NRXN3: variants seen among roughly 807,000 people sequenced by gnomAD.
NRXN3 encodes the protein neurexin III.
Under a neutral mutation model 137.6 loss-of-function variants are expected in NRXN3, and 32 were observed. The ratio of observed to expected loss-of-function variants is 0.23; its 90% CI spans 0.18 to 0.31. The LOEUF (loss-of-function observed/expected upper bound fraction) is 0.31, where lower values mean the gene tolerates loss of function less well. Ranked by LOEUF, NRXN3 falls within the 10% of genes least tolerant of loss-of-function variation. NRXN3 has a pLI of 1.00. For missense variants in NRXN3, 1,574 were observed against 2,062.5 expected (o/e 0.76, Z 4.59); for synonymous variants, 798 against 784.5 (o/e 1.02, Z -0.29).
Position 78,539,015 on chromosome 14 carries a change from A to C in NRXN3, c.758-106105A>C, listed in dbSNP as rs1016104191. 1.3e-4 allele frequency among the ~76,000 whole-genome samples: 20 copies of C among 152,190 alleles called. 1 individual carries two copies. The highest frequency in any genetic ancestry group is 4.6e-4 in the African/African-American group (19 of 41,536). On this transcript the variant is annotated intron_variant, in intron 4 of 20. Coordinates refer to ENST00000335750, the MANE Select transcript of NRXN3 (RefSeq NM_001330195.2). Reference sequence around the variant, plus strand: ...TTGATGTGCTGCTGGATTCAGTTCGAAAGTATTTTATTGAGGATTTTTGCA... The same window carrying C: ...TTGATGTGCTGCTGGATTCAGTTCGCAAGTATTTTATTGAGGATTTTTGCA...
intron 10 of NRXN3, among the ~76,000 whole-genome samples, chr14:78,843,491 G>T (rs1178463553): frequency 6.6e-6 from 1 of 152,072 alleles, no homozygotes; most frequent in East Asian, 1.9e-4. Flanking sequence ...TAATTACAGA[G>T]ACTCTTAGAG....
In NRXN3 at chr14:79,787,643, A is replaced by G. The variant is rs1488843554; in HGVS notation, c.4015-17469A>G. On this transcript the variant is annotated intron_variant, in intron 19 of 20. Transcript: ENST00000335750. ...GATTTCTACATACAGGTGAGATCATACGGGATTTGTCTCTCTGTGCCTGGC... is the reference window on the plus strand; with the variant it reads ...GATTTCTACATACAGGTGAGATCATGCGGGATTTGTCTCTCTGTGCCTGGC... 3.9e-5 allele frequency among the ~76,000 whole-genome samples: 6 copies of G among 152,172 alleles called. No homozygotes were observed. In the South Asian group the frequency reaches 8.3e-4, roughly 21 times the overall value.
chr14:79,015,308 C>T (rs2099577470), intron 15 of NRXN3, among the ~76,000 whole-genome samples: 1 of 152,290 alleles, frequency 6.6e-6, no homozygotes, highest in Admixed American at 6.5e-5. Flanking sequence ...AGGATTTCTT[C>T]TTACATCCAA....
intron 16 of NRXN3, among the ~76,000 whole-genome samples, chr14:79,619,132 AT>A (rs1473017287): frequency 6.6e-6 from 1 of 152,010 alleles, no homozygotes; most frequent in Non-Finnish European, 1.5e-5. Context: ...GTTTACAAAT[AT>A]TTTCTCCCAT....
chr14:79,585,455 G>A (rs1006309445), intron 16 of NRXN3, among the ~76,000 whole-genome samples: 9 of 151,984 alleles, frequency 5.9e-5, no homozygotes, highest in Non-Finnish European at 1.0e-4. Flanking sequence ...GGGAGGCCAG[G>A]GCAGGCAGAT....
intron 4 of NRXN3, among the ~76,000 whole-genome samples, chr14:78,630,597 C>CTTTTTTTTTTTTTTTTTTTTTTTT (rs370862037): frequency 7.8e-6 from 1 of 127,840 alleles, no homozygotes; most frequent in Non-Finnish European, 1.7e-5. Flanking sequence ...TTCTTTCTTT[C>CTTTTTTTTTTTTTTTTTTTTTTTT]TTTTTTTTTT....
chr14:79,581,363 T>C (rs2097714530), intron 16 of NRXN3, among the ~76,000 whole-genome samples: 1 of 152,210 alleles, frequency 6.6e-6, no homozygotes, highest in Non-Finnish European at 1.5e-5. Context: ...ATCCCCAGTA[T>C]TCAACAGCCT....
intron 4 of NRXN3, among the ~76,000 whole-genome samples, chr14:78,526,313 CTT>C (rs1461584956): frequency 6.6e-6 from 1 of 152,204 alleles, no homozygotes; most frequent in Non-Finnish European, 1.5e-5. Context: ...ATCTCTCTCT[CTT>C]GACTTTGAAG....
intron 4 of NRXN3, among the ~76,000 whole-genome samples, chr14:78,301,435 C>T (rs1219984790): frequency 6.6e-6 from 1 of 152,174 alleles, no homozygotes; most frequent in Non-Finnish European, 1.5e-5. Context: ...TTTCATCGCA[C>T]CACACCTTTG....
intron 15 of NRXN3, among the ~76,000 whole-genome samples, chr14:79,122,485 A>G (rs146744982): frequency 9.6e-4 from 147 of 152,332 alleles, no homozygotes; most frequent in Middle Eastern, 6.8e-3. Context: ...TCTCATTTCC[A>G]GATACTACAT....
At chr14:78,775,236 TA>T (rs1200548555) in intron 8 of NRXN3, among the ~76,000 whole-genome samples, 5 of 152,204 alleles carry the variant, frequency 3.3e-5, no homozygotes, top group East Asian at 1.9e-4. Flanking sequence ...ACAATCTTGT[TA>T]GGGGTGTGGT....
chr14:78,441,028 T>G (rs1003071040), intron 4 of NRXN3, among the ~76,000 whole-genome samples: 1 of 152,178 alleles, frequency 6.6e-6, no homozygotes, highest in Admixed American at 6.5e-5. Context: ...CTGTCTGTCT[T>G]GAACCTCCTG....
chr14:79,407,153 C>G (rs1334745618), intron 15 of NRXN3, among the ~76,000 whole-genome samples: 1 of 152,068 alleles, frequency 6.6e-6, no homozygotes, highest in Non-Finnish European at 1.5e-5. Flanking sequence ...TAGGGAGATT[C>G]TTCAATCCAG....
Position 79,861,599 on chromosome 14 carries a change from C to G in NRXN3, c.4351C>G (p.Leu1451Val), listed in dbSNP as rs764431385. Residue 1451 changes from leucine to valine, a missense_variant, in exon 21 of 21, where the codon CTA becomes GTA. By Grantham distance (32) the Leu-to-Val change is conservative. Around this residue, in one of 5 missense-constraint regions of NRXN3, gnomAD observed 320 missense variants for 387.1 expected, o/e 0.83. Transcript: ENST00000335750. This position sits in a 1 kb window ranked among gnomAD's most constrained non-coding sequence, Gnocchi z 5.4. ...VLLPLPTAYE[L>V]DSTKLKSPLI... The stretch of plus-strand genomic sequence containing the variant: ...GCTTCCGTTGCCCACTGCCTATGAG[C>G]TAGACAGCACCAAACTGAAGAGCCC... 1 of 1,612,848 alleles carries G rather than the reference C, an allele frequency of 6.2e-7. No homozygotes were observed. Among genetic ancestry groups the G allele is most frequent in the South Asian group, 1.1e-5 (1 of 90,890 alleles).
At chr14:79,690,473 C>T (rs1035543977) in intron 17 of NRXN3, among the ~76,000 whole-genome samples, 8 of 151,970 alleles carry the variant, frequency 5.3e-5, no homozygotes, top group African/African-American at 1.2e-4. Context: ...CACTGCAGTT[C>T]GAAACTGTTA....
intron 8 of NRXN3, among the ~76,000 whole-genome samples, chr14:78,754,347 C>T (rs924441177): frequency 2.0e-5 from 3 of 152,132 alleles, no homozygotes; most frequent in Non-Finnish European, 2.9e-5. Flanking sequence ...CTGGGTACTC[C>T]CCACCCCACA....
At chr14:79,418,386 A>C (rs1360045607) in intron 15 of NRXN3, among the ~76,000 whole-genome samples, 5 of 152,220 alleles carry the variant, frequency 3.3e-5, no homozygotes. Flanking sequence ...GCAGCTTTAA[A>C]TAGCTGTCAG....
chr14:79,096,833 T>C (rs1436533332), intron 15 of NRXN3, among the ~76,000 whole-genome samples: 3 of 152,144 alleles, frequency 2.0e-5, no homozygotes, highest in Admixed American at 2.0e-4. Context: ...CAGTTCTAAA[T>C]CTTTTCCAGG....
At chr14:79,013,560 GA>G (rs2099574583) in intron 15 of NRXN3, among the ~76,000 whole-genome samples, 1 of 152,240 alleles carries the variant, frequency 6.6e-6, no homozygotes, top group Admixed American at 6.5e-5. Context: ...CTTCATATTA[GA>G]TTTTACCAGT....
Sources: allele counts gnomAD v4.1 joint callset (sites outside exome capture counted in the v4.1 genomes callset), GRCh38; gene constraint gnomAD v4.1.1; regional missense constraint gnomAD v4.1.1; non-coding constraint Gnocchi (gnomAD v3.1); transcripts MANE v1.5; gene names NCBI Gene and HGNC (gene_info 2026-07-23, HGNC 2026-07-21).